The following CSMD3 variants were observed in gnomAD, a reference collection of about 807,000 sequenced individuals.
The protein encoded by CSMD3 is CUB and Sushi multiple domains 3, also known as CUB and sushi domain-containing protein 3.
CSMD3 carries 177 observed loss-of-function variants against 435.2 expected under a neutral mutation model. The observed-to-expected ratio is 0.41, with a 90% CI of 0.36 to 0.46. CSMD3 has a LOEUF of 0.46. Ranked by LOEUF, CSMD3 falls within the 20% of genes least tolerant of loss-of-function variation. The probability of loss-of-function intolerance (pLI) is 0.34; values close to 1 mark genes in which losing one functional copy is unlikely to be tolerated. For missense variants in CSMD3, 4,265 were observed against 4,504.6 expected, an observed-to-expected ratio of 0.95 and a Z score of 1.52; for synonymous variants, 1,656 against 1,520.5, an observed-to-expected ratio of 1.09 and a Z score of -2.07.
At chr8:112,525,190 C>T (rs1019600828) in intron 27 of CSMD3, among the ~76,000 whole-genome samples, 9 of 151,604 alleles carry the variant, frequency 5.9e-5, no homozygotes, top group Non-Finnish European at 1.3e-4. Flanking sequence ...AATATTTTCA[C>T]ATGTACTGAA....
intron 3 of CSMD3, among the ~76,000 whole-genome samples, chr8:113,210,802 A>G (rs1025843009): frequency 1.3e-5 from 2 of 151,970 alleles, no homozygotes; most frequent in Non-Finnish European, 2.9e-5. Flanking sequence ...ACTTGGACCC[A>G]GGAGACAGCA....
intron 11 of CSMD3, among the ~76,000 whole-genome samples, chr8:112,838,730 C>A (rs1660925092): frequency 6.6e-6 from 1 of 151,616 alleles, no homozygotes. Flanking sequence ...CAGAATAATT[C>A]TAAAACTTGG....
chr8:112,487,049 T>C (rs1018151869), intron 31 of CSMD3, among the ~76,000 whole-genome samples: 1 of 152,208 alleles, frequency 6.6e-6, no homozygotes, highest in Non-Finnish European at 1.5e-5. Flanking sequence ...ATTAATTGGA[T>C]GCTCACTGTA....
chr8:113,142,502 A>AAAGCAGTTCAATGAAAGAAAGAT (rs1422183387), intron 4 of CSMD3, among the ~76,000 whole-genome samples: 1 of 151,212 alleles, frequency 6.6e-6, no homozygotes, highest in Non-Finnish European at 1.5e-5. Context: ...CAAAGCTATA[A>AAAGCAGTTCAATGAAAGAAAGAT]AAGCAGTTCA....
intron 56 of CSMD3, among the ~76,000 whole-genome samples, chr8:112,291,056 A>G (rs1819716370): frequency 6.6e-6 from 1 of 152,022 alleles, no homozygotes; most frequent in Non-Finnish European, 1.5e-5. Context: ...TGCATTAACA[A>G]GTATATGTGT....
rs373955247 is a variant in CSMD3, at chr8:113,222,011, G to T, written c.515-48095C>A. Reference sequence around the variant, plus strand: ...TCAATGCGCATTTGTTGACAAAGCAGTAAATGCTTTGAAGGTTAAGTAAAT... The same window carrying T: ...TCAATGCGCATTTGTTGACAAAGCATTAAATGCTTTGAAGGTTAAGTAAAT... On this transcript the variant is annotated intron_variant, in intron 3 of 70. Coordinates refer to ENST00000297405, the MANE Select transcript of CSMD3 (RefSeq NM_198123.2). 4.1e-3 allele frequency among the ~76,000 whole-genome samples: 453 copies of T among 110,720 alleles called. 4 individuals carry two copies. Among genetic ancestry groups the T allele is most frequent in the East Asian group, 0.038 (158 of 4,204 alleles). 72.6% of individuals were successfully genotyped at this position (110,720 alleles called of 152,430 possible).
At chr8:112,797,024 A>G (rs2078846018) in intron 13 of CSMD3, among the ~76,000 whole-genome samples, 1 of 152,014 alleles carries the variant, frequency 6.6e-6, no homozygotes, top group African/African-American at 2.4e-5. Flanking sequence ...CTTGATTTGC[A>G]ACATTTGTTG....
chr8:113,231,976 C>T (rs777042008), intron 3 of CSMD3, among the ~76,000 whole-genome samples: 4 of 151,466 alleles, frequency 2.6e-5, no homozygotes, highest in Non-Finnish European at 5.9e-5. Context: ...ACACAGGGAT[C>T]AAATAACTCT....
rs1214277120 is a variant in CSMD3 at position 113,436,880 on chromosome 8, C to T, written c.-26G>A. ...ATTATTCGCGAGCTCCTAATTCCTGCTCCTCAGCCCGGCGCAGTGGAGTTG... is the reference window on the plus strand; with the variant it reads ...ATTATTCGCGAGCTCCTAATTCCTGTTCCTCAGCCCGGCGCAGTGGAGTTG... On this transcript the variant is annotated 5_prime_UTR_variant, in exon 1 of 71. Transcript: ENST00000297405. 1.2e-6 allele frequency: 2 copies of T among 1,613,058 alleles called. No homozygotes were observed. The highest frequency in any genetic ancestry group is 1.7e-6 in the Non-Finnish European group (2 of 1,179,898).
intron 7 of CSMD3, among the ~76,000 whole-genome samples, chr8:112,971,901 T>C (rs1307903233): frequency 6.6e-6 from 1 of 152,106 alleles, no homozygotes; most frequent in Non-Finnish European, 1.5e-5. Flanking sequence ...TTAACTATAG[T>C]ACAATAGGAA....
At chr8:113,117,221 G>A (rs183485906) in intron 4 of CSMD3, among the ~76,000 whole-genome samples, 236 of 152,296 alleles carry the variant, frequency 1.5e-3, no homozygotes, top group African/African-American at 5.4e-3. Context: ...GCTGGGCCCC[G>A]GGCCTTGCTA....
At chr8:113,217,736 T>C (rs867446283) in intron 3 of CSMD3, among the ~76,000 whole-genome samples, 11 of 151,436 alleles carry the variant, frequency 7.3e-5, no homozygotes, top group Non-Finnish European at 1.2e-4. Context: ...AGAGGTCTAA[T>C]ACACGCACAA....
chr8:112,925,939 C>T (rs1424396415), intron 9 of CSMD3, among the ~76,000 whole-genome samples: 3 of 152,184 alleles, frequency 2.0e-5, no homozygotes, highest in Non-Finnish European at 1.5e-5. Flanking sequence ...TTTCTAATTA[C>T]TCATTTGTAT....
rs954662607 is a variant in CSMD3 at position 112,665,068 on chromosome 8, C to T, written c.2816+1209G>A. 4.9e-4 allele frequency among the ~76,000 whole-genome samples: 75 copies of T among 152,222 alleles called. 1 individual carries two copies. Among genetic ancestry groups the T allele is most frequent in the Admixed American group, 1.3e-3 (20 of 15,256 alleles). On this transcript the variant is annotated intron_variant, in intron 17 of 70. Coordinates refer to ENST00000297405, the MANE Select transcript of CSMD3 (RefSeq NM_198123.2). Reference sequence around the variant, plus strand: ...ATGGCAACCTAACTAAGAGTATAATCTTGTAATAAATAGCTGAGTGTCATC... The same window carrying T: ...ATGGCAACCTAACTAAGAGTATAATTTTGTAATAAATAGCTGAGTGTCATC...
intron 12 of CSMD3, among the ~76,000 whole-genome samples, chr8:112,807,802 T>G (rs1480600307): frequency 6.6e-6 from 1 of 152,122 alleles, no homozygotes; most frequent in African/African-American, 2.4e-5. Context: ...AGCCTCACTT[T>G]TAATACAAGA....
In CSMD3 at chr8:112,800,292, A is replaced by G; in HGVS notation, c.1860-18T>C. 6.8e-7 allele frequency: 1 copy of G among 1,469,686 alleles called. No individual in the cohort carries two copies. The highest frequency in any genetic ancestry group is 9.5e-7 in the Non-Finnish European group (1 of 1,048,814). The allele number at this position is 1,469,686 out of a possible 1,614,324, so 91.0% of individuals were successfully genotyped here. On this transcript the variant is annotated intron_variant, in intron 12 of 70. Coordinates refer to ENST00000297405, the MANE Select transcript of CSMD3 (RefSeq NM_198123.2). ...CAGTCAGCCTAAAAAGAGATGGACA[A>G]AGAAGGGAGAGATGGGTTATTAAAA...
In CSMD3 at chr8:112,234,345, G is replaced by A. The variant is rs1234325841; in HGVS notation, c.10740+20C>T. 1 of 1,464,042 alleles carries A rather than the reference G, an allele frequency of 6.8e-7. No homozygotes were observed. The highest frequency in any genetic ancestry group is 1.1e-5 in the South Asian group (1 of 87,918). 90.7% of individuals were successfully genotyped at this position (1,464,042 alleles called of 1,614,324 possible). A position where few individuals can be genotyped will look rare whatever the true frequency, so the allele number is the denominator to read the frequency against. ...TTTATCATTAAAATCAGCAGCAGAT[G>A]TTAAAATAACTATACTTACAAAGCC... On this transcript the variant is annotated intron_variant, in intron 68 of 70. Coordinates refer to ENST00000297405, the MANE Select transcript of CSMD3 (RefSeq NM_198123.2).
chr8:113,434,196 G>C (rs1220713774), intron 1 of CSMD3, among the ~76,000 whole-genome samples: 3 of 152,130 alleles, frequency 2.0e-5, no homozygotes, highest in African/African-American at 7.2e-5. Context: ...AATTCTCGTG[G>C]CTAGAGCTGT....
intron 1 of CSMD3, among the ~76,000 whole-genome samples, chr8:113,358,788 T>A (rs1435711816): frequency 6.6e-6 from 1 of 151,860 alleles, no homozygotes; most frequent in Non-Finnish European, 1.5e-5. Context: ...GGGATGGTCG[T>A]GGATGGGGCA....
Sources: gnomAD v4.1 joint callset for allele counts (sites outside exome capture counted in the v4.1 genomes callset) on GRCh38, gnomAD v4.1.1 for gene constraint, MANE v1.5 for transcripts, NCBI Gene and HGNC (gene_info 2026-07-23, HGNC 2026-07-21) for gene names.